Variants in THUMPD2 observed in about 807,000 individuals in gnomAD.
THUMPD2 encodes the protein THUMP domain 2 tRNA and snRNA guanosine methyltransferase.
In THUMPD2, 56 loss-of-function variants were observed where a neutral mutation model predicts 49.4. The observed-to-expected ratio is 1.13, with a 90% CI of 0.91 to 1.41. The LOEUF (loss-of-function observed/expected upper bound fraction) is 1.41. THUMPD2 is among the 40% of genes most tolerant of loss of function. The pLI is 0.00. For missense variants in THUMPD2, 709 were observed against 594.5 expected, an observed-to-expected ratio of 1.19 and a Z score of -2.00; for synonymous variants, 237 against 205.2, an observed-to-expected ratio of 1.15 and a Z score of -1.32.
At position 39,766,074 on chromosome 2, in the gene THUMPD2, C is replaced by T. The variant is rs1375996662; in HGVS notation, c.786G>A (p.Val262=). The T allele has an allele frequency of 6.3e-7, 1 of 1,584,928 alleles. No homozygotes were observed. Among genetic ancestry groups the T allele is most frequent in the Non-Finnish European group, 8.5e-7 (1 of 1,169,722 alleles). ...ATATCTACCTGAACACAGGAATCCC[C>T]ACCACAGAGTAAATGTCATTTAGAT... ...FIHLNDIYSV[V]GIPVFRVSLA... is the part of the protein sequence containing the mutation. The change falls in exon 5 of 10, where the codon GTG becomes GTA. Residue 262 remains valine (V), a synonymous_variant. Transcript: ENST00000505747.
At chr2:39,750,481 T>C (rs1675248209) in intron 8 of THUMPD2, among the ~76,000 whole-genome samples, 1 of 152,080 alleles carries the variant, frequency 6.6e-6, no homozygotes, top group African/African-American at 2.4e-5. Flanking sequence ...CCAAGGCGGG[T>C]GGATTGCCTG....
intron 1 of THUMPD2, 152 bp downstream of exon 1, chr2:39,778,962 G>C (rs1679488942): frequency 9.8e-7 from 1 of 1,024,018 alleles, no homozygotes; most frequent in East Asian, 3.3e-5. Flanking sequence ...GGCCGGAGCG[G>C]AAGCGCCTGC....
intron 8 of THUMPD2, among the ~76,000 whole-genome samples, chr2:39,753,576 C>T (rs1034134862): frequency 4.6e-5 from 7 of 152,160 alleles, no homozygotes; most frequent in African/African-American, 1.7e-4. Flanking sequence ...CACTTAGAGT[C>T]TAATAATCGT....
chr2:39,759,966 GAGA>G (rs1281932094), intron 6 of THUMPD2, among the ~76,000 whole-genome samples: 1 of 152,192 alleles, frequency 6.6e-6, no homozygotes, highest in Non-Finnish European at 1.5e-5. Flanking sequence ...GCAAGACAAA[GAGA>G]AGAAGAGAAA....
chr2:39,768,862 T>C (rs958001694), intron 3 of THUMPD2: 4 of 1,261,350 alleles, frequency 3.2e-6, no homozygotes, highest in Non-Finnish European at 4.2e-6. Context: ...TATAAGCCTA[T>C]GTGTTTAAAA....
chr2:39,777,069 C>G (rs879405046), intron 1 of THUMPD2, among the ~76,000 whole-genome samples: 3 of 152,188 alleles, frequency 2.0e-5, no homozygotes, highest in East Asian at 1.9e-4. Context: ...TTCTAACACT[C>G]TCTTATCATT....
chr2:39,751,885 C>A (rs1675454832), intron 8 of THUMPD2, among the ~76,000 whole-genome samples: 1 of 151,982 alleles, frequency 6.6e-6, no homozygotes. Context: ...CAGGGTTTCA[C>A]CATGTTGGCC....
chr2:39,769,249 G>A, intron 3 of THUMPD2: 1 of 354,550 alleles, frequency 2.8e-6, no homozygotes, highest in Non-Finnish European at 5.4e-6. Context: ...ACTTGGAATG[G>A]CATACCATTC....
At chr2:39,745,639 A>G (rs1674479614) in intron 8 of THUMPD2, among the ~76,000 whole-genome samples, 1 of 152,172 alleles carries the variant, frequency 6.6e-6, no homozygotes, top group South Asian at 2.1e-4. Flanking sequence ...CACACTACAC[A>G]CACAGTACCT....
intron 6 of THUMPD2, chr2:39,757,383 C>CA: frequency 7.7e-7 from 1 of 1,303,518 alleles, no homozygotes; most frequent in South Asian, 1.2e-5. Context: ...TGGAAAGAAA[C>CA]AAAATGTTCT....
At chr2:39,738,522 C>T (rs1369307362) in intron 9 of THUMPD2, among the ~76,000 whole-genome samples, 2 of 151,712 alleles carry the variant, frequency 1.3e-5, no homozygotes, top group African/African-American at 4.8e-5. Flanking sequence ...TGAGATTGCA[C>T]CACTGCACTC....
chr2:39,736,927 C>A lies in THUMPD2; in HGVS notation c.1320G>T (p.Lys440Asn). ...CAGTTTTTTCTTCAGGATTCAAGCA[C>A]TTTTTAATTCCAGGTTCATCTGTGT... ...DSHTDEPGIK[K>N]CLNPEEKTGA... The change falls in exon 10 of 10, where the codon AAG (lysine) becomes AAT (asparagine). Residue 440 changes from lysine to asparagine, a missense_variant. Physicochemically the swap from Lys to Asn is moderately conservative, Grantham distance 94. Coordinates refer to ENST00000505747, the MANE Select transcript of THUMPD2 (RefSeq NM_025264.5). The A allele has an allele frequency of 6.2e-7, 1 of 1,614,134 alleles. No homozygotes were observed. Among genetic ancestry groups the A allele is most frequent in the Non-Finnish European group, 8.5e-7 (1 of 1,180,004 alleles).
At chr2:39,777,854 A>T (rs1016375240) in intron 1 of THUMPD2, among the ~76,000 whole-genome samples, 1 of 152,220 alleles carries the variant, frequency 6.6e-6, no homozygotes, top group East Asian at 1.9e-4. Flanking sequence ...GAGAACAAGC[A>T]GAGAGTCTTT....
Position 39,736,996 on chromosome 2 carries a change from T to G in THUMPD2, c.1251A>C (p.Thr417=). Residue 417 remains threonine (T), a synonymous_variant, in exon 10 of 10, where the codon ACA becomes ACC. Coordinates refer to ENST00000505747, the MANE Select transcript of THUMPD2 (RefSeq NM_025264.5). ...LLSEDHHRRL[T]DCKESNIPFN... is the part of the protein sequence containing the mutation. ...AAGGGATGTTGCTCTCTTTACAATCTGTAAGGCGCCTGTGGTGATCTTCAC... is the reference window on the plus strand; with the variant it reads ...AAGGGATGTTGCTCTCTTTACAATCGGTAAGGCGCCTGTGGTGATCTTCAC... 6.2e-7 allele frequency: 1 copy of G among 1,614,082 alleles called. No homozygotes were observed. Among genetic ancestry groups the G allele is most frequent in the Non-Finnish European group, 8.5e-7 (1 of 1,179,994 alleles).
At chr2:39,763,827 T>C (rs1231396405) in intron 5 of THUMPD2, among the ~76,000 whole-genome samples, 3 of 152,164 alleles carry the variant, frequency 2.0e-5, no homozygotes, top group Non-Finnish European at 2.9e-5. Context: ...TCTACCACTT[T>C]CTCTATGTCC....
intron 9 of THUMPD2, among the ~76,000 whole-genome samples, chr2:39,742,490 T>C (rs972118252): frequency 5.3e-5 from 8 of 152,196 alleles, no homozygotes; most frequent in African/African-American, 1.9e-4. Flanking sequence ...TTTACTAGGC[T>C]GAAAGAACTG....
chr2:39,770,198 T>G, intron 2 of THUMPD2, 79 bp from the exon 3 acceptor site: 1 of 986,058 alleles, frequency 1.0e-6, no homozygotes, highest in Non-Finnish European at 1.4e-6. Context: ...CAAACTCAAT[T>G]ACCTTTATTT....
intron 7 of THUMPD2, 29 bp downstream of exon 7, chr2:39,755,860 T>C (rs1278525172): frequency 1.3e-6 from 2 of 1,597,440 alleles, no homozygotes; most frequent in Non-Finnish European, 1.7e-6. Context: ...GTAGATAAAT[T>C]GCTTGCTTTA....
At chr2:39,754,773 G>C (rs370421534) in intron 8 of THUMPD2, among the ~76,000 whole-genome samples, 1 of 152,098 alleles carries the variant, frequency 6.6e-6, no homozygotes, top group Non-Finnish European at 1.5e-5. Flanking sequence ...TACCTCACAG[G>C]GTGGCCAACT....
Sources: gnomAD v4.1 joint callset for allele counts (sites outside exome capture counted in the v4.1 genomes callset) on GRCh38, gnomAD v4.1.1 for gene constraint, MANE v1.5 for transcripts, NCBI Gene and HGNC (gene_info 2026-07-23, HGNC 2026-07-21) for gene names.